The following ZC3H12B variants were observed in gnomAD, a reference collection of about 807,000 sequenced individuals.
ZC3H12B encodes zinc finger CCCH-type containing 12B.
ZC3H12B carries 7 observed loss-of-function variants against 43.9 expected under a neutral mutation model. That is an observed-to-expected ratio of 0.16 (90% CI 0.09 to 0.30). The LOEUF is 0.30. ZC3H12B is among the 10% of genes least tolerant of loss of function. The pLI is 1.00. For missense variants in ZC3H12B, 475 were observed against 670.2 expected, an observed-to-expected ratio of 0.71 and a Z score of 3.22; for synonymous variants, 222 against 241.7, an observed-to-expected ratio of 0.92 and a Z score of 0.76.
At chrX:65,374,280 AT>A (rs1181869603) in intron 2 of ZC3H12B, among the ~76,000 whole-genome samples, 1 of 91,822 alleles carries the variant, frequency 1.1e-5, no homozygotes, top group Non-Finnish European at 2.1e-5. Flanking sequence ...CTATATATAT[AT>A]ATATATATAT....
the ZC3H12B span, among the ~76,000 whole-genome samples, chrX:65,115,048 T>C: frequency 9.8e-6 from 1 of 101,529 alleles, no homozygotes; most frequent in African/African-American, 4.1e-5. Flanking sequence ...GAAATTTTTA[T>C]TTTTTTTTAT....
chrX:65,189,750 C>T, the ZC3H12B span, among the ~76,000 whole-genome samples: 2 of 110,455 alleles, frequency 1.8e-5, no homozygotes, highest in Non-Finnish European at 3.8e-5. Context: ...TGTAAGTTGC[C>T]TGTTCACTCT....
At chrX:65,164,753 T>A in the ZC3H12B span, among the ~76,000 whole-genome samples, 1 of 111,686 alleles carries the variant, frequency 9.0e-6, no homozygotes, top group African/African-American at 3.2e-5. Context: ...AGTTTTCAGA[T>A]TGTTGGTCTG....
At chrX:65,164,965 CATT>C in the ZC3H12B span, among the ~76,000 whole-genome samples, 1 of 111,750 alleles carries the variant, frequency 8.9e-6, no homozygotes, top group African/African-American at 3.2e-5. Flanking sequence ...TTTCCTCAGG[CATT>C]ATACAGTTTA....
chrX:65,429,011 C>T (rs2067117544), intron 3 of ZC3H12B, among the ~76,000 whole-genome samples: 1 of 112,151 alleles, frequency 8.9e-6, no homozygotes. Flanking sequence ...TTCCGTAGTG[C>T]TGCTGCAGTT....
the ZC3H12B span, among the ~76,000 whole-genome samples, chrX:65,137,257 G>T: frequency 8.9e-6 from 1 of 111,765 alleles, no homozygotes; most frequent in Admixed American, 9.5e-5. Context: ...AATTTATTTT[G>T]ATTTTAAATT....
the ZC3H12B span, among the ~76,000 whole-genome samples, chrX:65,243,449 A>G: frequency 8.9e-6 from 1 of 112,180 alleles, no homozygotes; most frequent in Non-Finnish European, 1.9e-5. Flanking sequence ...GTTTTTTATC[A>G]AGAAGACAAA....
chrX:65,324,227 G>A, the ZC3H12B span, among the ~76,000 whole-genome samples: 3 of 111,573 alleles, frequency 2.7e-5, no homozygotes, highest in African/African-American at 9.8e-5. Flanking sequence ...TTTTGGCTTT[G>A]GTTGTAATTG....
At chrX:65,314,162 A>T in the ZC3H12B span, among the ~76,000 whole-genome samples, 1 of 111,351 alleles carries the variant, frequency 9.0e-6, no homozygotes, top group Non-Finnish European at 1.9e-5. Flanking sequence ...ATACTCAGGG[A>T]CATGTGGAAC....
At position 65,500,003 on chromosome X, in the gene ZC3H12B, T is replaced by C; in HGVS notation, c.1090+14T>C. On this transcript the variant is annotated intron_variant, in intron 4 of 4. Coordinates refer to ENST00000338957, the Ensembl canonical transcript of ZC3H12B. ...CATGTCCTTATGGTGAGTACCTACA[T>C]ACAAAACTGAGTTCTGTACCACCGG... 8.8e-7 allele frequency: 1 copy of C among 1,133,529 alleles called. No individual in the cohort carries two copies. Among genetic ancestry groups the C allele is most frequent in the Non-Finnish European group, 1.2e-6 (1 of 825,670 alleles). 93.4% of individuals were successfully genotyped at this position (1,133,529 alleles called of 1,213,427 possible). A position where few individuals can be genotyped will look rare whatever the true frequency, so the allele number is the denominator to read the frequency against.
chrX:65,428,936 CT>C (rs2067116573), intron 3 of ZC3H12B, among the ~76,000 whole-genome samples: 1 of 112,339 alleles, frequency 8.9e-6, no homozygotes, highest in African/African-American at 3.2e-5. Flanking sequence ...TTTGGGCAGT[CT>C]TTTTGTTAAT....
intron 3 of ZC3H12B, among the ~76,000 whole-genome samples, chrX:65,449,029 AAG>A (rs2067431027): frequency 9.7e-6 from 1 of 103,258 alleles, no homozygotes; most frequent in Non-Finnish European, 2.0e-5. Flanking sequence ...GAAAGAAGGA[AAG>A]AAAGAAAGAA....
At chrX:65,176,354 G>A in the ZC3H12B span, among the ~76,000 whole-genome samples, 2 of 111,722 alleles carry the variant, frequency 1.8e-5, no homozygotes, top group African/African-American at 3.3e-5. Context: ...CTCCTCTCTG[G>A]GTAGGGCATC....
At chrX:65,099,973 C>G in the ZC3H12B span, among the ~76,000 whole-genome samples, 44 of 111,655 alleles carry the variant, frequency 3.9e-4, no homozygotes, top group Admixed American at 3.4e-3. Context: ...TGCAAGGAAG[C>G]TAAGAACCTT....
exon 5 of ZC3H12B, chrX:65,502,325 C>T (rs756589644): frequency 2.5e-6 from 3 of 1,211,523 alleles, no homozygotes; most frequent in East Asian, 5.9e-5. Context: ...CATGGGGGAC[C>T]ATGGCTACTA....
the ZC3H12B span, among the ~76,000 whole-genome samples, chrX:65,243,355 A>G: frequency 1.6e-3 from 183 of 112,518 alleles, no homozygotes; most frequent in African/African-American, 5.5e-3. Context: ...ACCAAGAAGT[A>G]TATGAAAAAT....
chrX:65,452,613 G>A (rs2067531779), intron 3 of ZC3H12B, among the ~76,000 whole-genome samples: 1 of 111,682 alleles, frequency 9.0e-6, no homozygotes, highest in Admixed American at 9.5e-5. Context: ...GGCCGAGGTG[G>A]GTGGATCAAC....
the ZC3H12B span, among the ~76,000 whole-genome samples, chrX:65,272,085 G>A: frequency 9.1e-6 from 1 of 109,558 alleles, no homozygotes; most frequent in Admixed American, 9.7e-5. Flanking sequence ...ATGGTGGCGG[G>A]TGCCTGTAGT....
At chrX:65,483,637 T>C (rs1387470362) in intron 3 of ZC3H12B, among the ~76,000 whole-genome samples, 1 of 112,050 alleles carries the variant, frequency 8.9e-6, no homozygotes, top group Non-Finnish European at 1.9e-5. Context: ...AGAGCATATA[T>C]GTGAATGCTC....
Sources: allele counts gnomAD v4.1 joint callset (sites outside exome capture counted in the v4.1 genomes callset), GRCh38; gene constraint gnomAD v4.1.1; transcripts MANE v1.5; gene names NCBI Gene and HGNC (gene_info 2026-07-23, HGNC 2026-07-21).